RBFOX1: variants seen among roughly 807,000 people sequenced by gnomAD.
RBFOX1 encodes RNA binding fox-1 homolog 1.
A neutral mutation model predicts 57.7 loss-of-function variants in RBFOX1; 8 were observed. The observed-to-expected ratio is 0.14, with a 90% CI of 0.08 to 0.25. The LOEUF is 0.25. Ranked by LOEUF, RBFOX1 falls within the 10% of genes least tolerant of loss-of-function variation. The probability of loss-of-function intolerance (pLI) is 1.00; values close to 1 mark genes in which losing one functional copy is unlikely to be tolerated. For missense variants in RBFOX1, 611 were observed against 548.5 expected (o/e 1.11, Z -1.14); for synonymous variants, 326 against 222.4 (o/e 1.47, Z -4.15).
intron 2 of RBFOX1, among the ~76,000 whole-genome samples, chr16:6,631,636 G>A (rs2058528): frequency 0.59 from 90,003 of 151,950 alleles, 27,688 homozygotes; most frequent in South Asian, 0.8. Flanking sequence ...AATAAACAAG[G>A]AAATCAAGGT....
At chr16:6,945,379 G>T (rs1415198380) in intron 3 of RBFOX1, among the ~76,000 whole-genome samples, 3 of 152,044 alleles carry the variant, frequency 2.0e-5, no homozygotes. Flanking sequence ...TTGCTGGTCT[G>T]AACAACCTGT....
chr16:7,435,583 C>G lies in RBFOX1; in HGVS notation c.28-82564C>G, dbSNP rs553336142. 8.5e-5 allele frequency among the ~76,000 whole-genome samples: 13 copies of G among 152,298 alleles called. No individual in the cohort carries two copies. The South Asian group carries it at 2.7e-3, about 32-fold the overall frequency. On this transcript the variant is annotated intron_variant, in intron 4 of 15. Transcript: ENST00000550418. ...CATCTACATCCATGAGGCTTTTCAGCAGGACCTGGGTAAAGGACCATCAGG... is the reference window on the plus strand; with the variant it reads ...CATCTACATCCATGAGGCTTTTCAGGAGGACCTGGGTAAAGGACCATCAGG...
chr16:7,696,420 G>T (rs1166450454), intron 14 of RBFOX1, among the ~76,000 whole-genome samples: 1 of 152,150 alleles, frequency 6.6e-6, no homozygotes, highest in Non-Finnish European at 1.5e-5. Context: ...TTAGACGGGA[G>T]GTCTCCGTCT....
chr16:6,326,441 A>T (rs987819751), intron 2 of RBFOX1, among the ~76,000 whole-genome samples: 1 of 152,176 alleles, frequency 6.6e-6, no homozygotes, highest in African/African-American at 2.4e-5. Context: ...GTTTGACCAG[A>T]TGTGAGAGAG....
At chr16:5,456,591 C>T (rs1295385513) in intron 1 of RBFOX1, among the ~76,000 whole-genome samples, 2 of 152,184 alleles carry the variant, frequency 1.3e-5, no homozygotes, top group Non-Finnish European at 2.9e-5. Context: ...TGCTTTGTTC[C>T]TTTTTCTCAC....
chr16:5,771,513 A>G (rs2053975732), intron 3 of RBFOX1, among the ~76,000 whole-genome samples: 1 of 152,106 alleles, frequency 6.6e-6, no homozygotes, highest in Non-Finnish European at 1.5e-5. Context: ...GGTTCACATG[A>G]TTCTTATGCC....
chr16:6,193,265 A>G (rs1232778080), intron 1 of RBFOX1, among the ~76,000 whole-genome samples: 1 of 150,724 alleles, frequency 6.6e-6, no homozygotes, highest in Non-Finnish European at 1.5e-5. Context: ...GAGGAGAGAC[A>G]TGCATGGGGC....
intron 4 of RBFOX1, among the ~76,000 whole-genome samples, chr16:7,437,665 G>C (rs1299181585): frequency 3.3e-5 from 5 of 152,086 alleles, no homozygotes; most frequent in African/African-American, 1.2e-4. Flanking sequence ...AAACGATTAA[G>C]GCCGGAGTAG....
intron 2 of RBFOX1, among the ~76,000 whole-genome samples, chr16:5,577,843 A>G (rs184975519): frequency 6.6e-6 from 1 of 152,340 alleles, no homozygotes; most frequent in East Asian, 1.9e-4. Flanking sequence ...AAACTGTCAA[A>G]GGTTGATTTC....
intron 4 of RBFOX1, among the ~76,000 whole-genome samples, chr16:7,117,015 G>C (rs929131161): frequency 3.3e-5 from 5 of 152,104 alleles, no homozygotes; most frequent in African/African-American, 9.7e-5. Context: ...GGCCAAGAAA[G>C]AGTTAGGGAA....
chr16:5,892,605 C>T (rs1253602811), intron 4 of RBFOX1, among the ~76,000 whole-genome samples: 1 of 152,118 alleles, frequency 6.6e-6, no homozygotes, highest in East Asian at 1.9e-4. Flanking sequence ...TTTTGTGAAA[C>T]AGTGAATGGT....
intron 3 of RBFOX1, among the ~76,000 whole-genome samples, chr16:5,684,639 G>T (rs557482046): frequency 6.6e-6 from 1 of 152,250 alleles, no homozygotes; most frequent in South Asian, 2.1e-4. Flanking sequence ...TTTTAAATGG[G>T]ACCCAAAGTT....
intron 2 of RBFOX1, among the ~76,000 whole-genome samples, chr16:6,380,126 G>C (rs1464638375): frequency 6.6e-6 from 1 of 152,130 alleles, no homozygotes; most frequent in East Asian, 1.9e-4. Flanking sequence ...CTGAGAGGTG[G>C]GGGAGGTTGA....
chr16:6,106,466 C>A lies in RBFOX1; in HGVS notation c.-127+86474C>A, dbSNP rs868121944. Among the ~76,000 whole-genome samples, 290 of 109,392 alleles carry A rather than the reference C, an allele frequency of 2.7e-3. 2 individuals carry two copies. Among genetic ancestry groups the A allele is most frequent in the African/African-American group, 3.7e-3 (90 of 24,566 alleles). 71.8% of individuals were successfully genotyped at this position (109,392 alleles called of 152,430 possible). A position where few individuals can be genotyped will look rare whatever the true frequency, so the allele number is the denominator to read the frequency against. ...GGGCAAAAAGAGTGAGTATCTGTCT[C>A]AAAAATAAAAAAAAAAAAAGGTAGT... On this transcript the variant is annotated intron_variant, in intron 1 of 15. Transcript: ENST00000550418.
chr16:6,201,782 C>T (rs1161572166), intron 1 of RBFOX1, among the ~76,000 whole-genome samples: 1 of 152,084 alleles, frequency 6.6e-6, no homozygotes, highest in Admixed American at 6.5e-5. Flanking sequence ...CACATGTACC[C>T]CGTACATATG....
At chr16:6,108,252 AG>A (rs1160531707) in intron 1 of RBFOX1, among the ~76,000 whole-genome samples, 2 of 152,110 alleles carry the variant, frequency 1.3e-5, no homozygotes, top group African/African-American at 4.8e-5. Flanking sequence ...TGCTCAGGGT[AG>A]TGTAGCAGAG....
chr16:7,607,359 C>CG, intron 10 of RBFOX1, 21 bp downstream of exon 10: 1 of 1,604,628 alleles, frequency 6.2e-7, no homozygotes, highest in South Asian at 1.1e-5. Flanking sequence ...TCTCTTTGCA[C>CG]GAAGTCTTCT....
chr16:7,117,736 T>C (rs928834270), intron 4 of RBFOX1, among the ~76,000 whole-genome samples: 7 of 152,216 alleles, frequency 4.6e-5, no homozygotes, highest in African/African-American at 1.4e-4. Context: ...GAGCATGGCT[T>C]AGCTGGGTTC....
chr16:7,022,030 TCCCCTC>T (rs1486769311), intron 3 of RBFOX1, among the ~76,000 whole-genome samples: 1 of 11,378 alleles, frequency 8.8e-5, no homozygotes, highest in African/African-American at 7.3e-4. Context: ...CCCCTCCCCT[TCCCCTC>T]CCCTTCCCCC....
Sources: allele counts gnomAD v4.1 joint callset (sites outside exome capture counted in the v4.1 genomes callset), GRCh38; gene constraint gnomAD v4.1.1; transcripts MANE v1.5; gene names NCBI Gene and HGNC (gene_info 2026-07-23, HGNC 2026-07-21).